The following PRDM11 variants were observed in gnomAD, a reference collection of about 807,000 sequenced individuals.
PRDM11 encodes PR/SET domain 11.
In PRDM11, 20 loss-of-function variants were observed where a neutral mutation model predicts 97.8. The observed-to-expected ratio is 0.20, with a 90% confidence interval of 0.14 to 0.30. The LOEUF (loss-of-function observed/expected upper bound fraction) is 0.30, where lower values mean the gene tolerates loss of function less well. PRDM11 is among the 10% of genes least tolerant of loss of function. PRDM11 has a pLI of 1.00. For synonymous variants in PRDM11, 599 were observed against 637.7 expected (o/e 0.94, Z 0.91); for missense variants, 1,139 against 1,555.2 (o/e 0.73, Z 4.50).
intron 1 of PRDM11, among the ~76,000 whole-genome samples, chr11:45,148,287 T>C (rs908403669): frequency 6.6e-6 from 1 of 152,202 alleles, no homozygotes; most frequent in African/African-American, 2.4e-5. Context: ...CACATCGTTG[T>C]CTTTGGCCTC....
chr11:45,212,655 C>A (rs1487185190), intron 5 of PRDM11: 7 of 456,122 alleles, frequency 1.5e-5, no homozygotes, highest in African/African-American at 6.0e-5. Flanking sequence ...CAGGCCCAGG[C>A]TGCCTGCAGG....
At chr11:45,208,896 C>T (rs1158514752) in intron 5 of PRDM11, 3 of 453,018 alleles carry the variant, frequency 6.6e-6, no homozygotes, top group South Asian at 1.6e-5. Flanking sequence ...CCTGGCTGAG[C>T]GTAAGAGGAA....
intron 3 of PRDM11, among the ~76,000 whole-genome samples, 177 bp from the exon 4 acceptor site, chr11:45,182,684 G>A (rs936834711): frequency 3.3e-5 from 5 of 152,272 alleles, no homozygotes; most frequent in East Asian, 1.9e-4. Context: ...CCTCCTTGAC[G>A]TAGGCAGGCC....
At chr11:45,143,159 C>G (rs1230929771), upstream of PRDM11, among the ~76,000 whole-genome samples, 2 of 152,194 alleles carry the variant, frequency 1.3e-5, no homozygotes, top group Non-Finnish European at 2.9e-5. Context: ...GTACTAAATC[C>G]TTATTGAAAT....
chr11:45,098,945 G>T (rs183422024), intron 1 of PRDM11, among the ~76,000 whole-genome samples: 6 of 152,276 alleles, frequency 3.9e-5, no homozygotes, highest in African/African-American at 1.4e-4. Context: ...AAGAGTCAAT[G>T]GAGTGTTTCA....
intron 5 of PRDM11, chr11:45,213,831 G>A (rs554009389): frequency 4.7e-6 from 2 of 424,306 alleles, no homozygotes; most frequent in Non-Finnish European, 9.6e-6. Context: ...CAGGGTATCG[G>A]TTTTCCCAGC....
chr11:45,187,634 T>C (rs954742503), intron 4 of PRDM11, among the ~76,000 whole-genome samples: 1 of 152,060 alleles, frequency 6.6e-6, no homozygotes, highest in African/African-American at 2.4e-5. Context: ...CCTAGGGCCT[T>C]AGCTGCAGCC....
intron 1 of PRDM11, among the ~76,000 whole-genome samples, chr11:45,166,462 A>G (rs937836807): frequency 6.6e-6 from 1 of 152,204 alleles, no homozygotes; most frequent in South Asian, 2.1e-4. Flanking sequence ...AGATACGAGC[A>G]CTGGTTGGTC....
chr11:45,224,238 A>C lies in PRDM11; in HGVS notation c.764A>C (p.Glu255Ala). 1 of 1,596,134 alleles carries C rather than the reference A, an allele frequency of 6.3e-7. No homozygotes were observed. Among genetic ancestry groups the C allele is most frequent in the Non-Finnish European group, 8.5e-7 (1 of 1,172,558 alleles). The part of the protein sequence containing the change: ...LARGEKRLQR[E>A]KSEQVLDNPE... ...CTAGGAGAGAAGAGGTTGCAGAGGG[A>C]GAAGTCTGAGCAGGTTCTGGATAAC... The change falls in exon 7 of 8, where the codon GAG (glutamate) becomes GCG (alanine). Residue 255 changes from glutamate (E) to alanine (A), a missense_variant. Around this residue, in one of 2 missense-constraint regions of PRDM11, gnomAD observed 429 missense variants for 510.3 expected, o/e 0.84. Transcript: ENST00000683152.
intron 1 of PRDM11, among the ~76,000 whole-genome samples, chr11:45,103,018 G>GAT (rs1389259748): frequency 6.6e-6 from 1 of 151,944 alleles, no homozygotes; most frequent in African/African-American, 2.4e-5. Flanking sequence ...AGCTGACTCA[G>GAT]AGTGTGATGA....
At chr11:45,149,752 G>A (rs754840) in intron 1 of PRDM11, among the ~76,000 whole-genome samples, 19,552 of 152,312 alleles carry the variant, frequency 0.13, 1,659 homozygotes, top group Admixed American at 0.24. Context: ...GTGTCACTCC[G>A]TGCGTGAAGC....
chr11:45,113,825 T>TG (rs1347674876), intron 1 of PRDM11, among the ~76,000 whole-genome samples: 90 of 105,544 alleles, frequency 8.5e-4, no homozygotes, highest in African/African-American at 2.7e-3. Context: ...TGTGTGTGTG[T>TG]TTTGTTTTTT....
chr11:45,148,564 C>T (rs542518036), intron 1 of PRDM11, among the ~76,000 whole-genome samples: 23 of 152,134 alleles, frequency 1.5e-4, no homozygotes, highest in Admixed American at 3.9e-4. Flanking sequence ...TCCCTGGTGA[C>T]GTTCACAAAG....
Position 45,181,754 on chromosome 11 carries a change from G to C in PRDM11, c.-6-7G>C. On this transcript the variant is annotated splice_region_variant and splice_polypyrimidine_tract_variant and intron_variant, in intron 1 of 7. Transcript: ENST00000683152. ...TTCCTGTGCTGGTCCCACCTCCTGCGTCCCAGGACAGAATGACCGAGAACA... is the reference window on the plus strand; with the variant it reads ...TTCCTGTGCTGGTCCCACCTCCTGCCTCCCAGGACAGAATGACCGAGAACA... 1.2e-6 allele frequency: 2 copies of C among 1,610,210 alleles called. No homozygotes were observed. Among genetic ancestry groups the C allele is most frequent in the Non-Finnish European group, 1.7e-6 (2 of 1,177,862 alleles).
In PRDM11 at chr11:45,233,407, C is replaced by A. The variant is rs72893598; in HGVS notation, c.*5248C>A. The A allele has an allele frequency of 6.6e-6, 1 of 152,364 alleles. No homozygotes were observed. The highest frequency in any genetic ancestry group is 1.5e-5 in the Non-Finnish European group (1 of 68,176). The allele number at this position is 152,364 out of a possible 1,614,324, so 9.4% of individuals were successfully genotyped here. On this transcript the variant is annotated 3_prime_UTR_variant, in exon 8 of 8. Coordinates refer to ENST00000683152, the MANE Select transcript of PRDM11 (RefSeq NM_001384648.1). ...CCCCTGAGCTCCAGCTGAGGTGCCC[C>A]CTACCTCTCCCCACCCCCACAGCCC... is the stretch of plus-strand genomic sequence containing the variant.
Position 45,219,708 on chromosome 11 carries a change from G to A in PRDM11, c.693G>A (p.Lys231=), listed in dbSNP as rs939600789. 6.2e-7 allele frequency: 1 copy of A among 1,614,086 alleles called. No individual in the cohort carries two copies. The highest frequency in any genetic ancestry group is 8.5e-7 in the Non-Finnish European group (1 of 1,180,030). ...TCTGGTACAGCGAGGACTACATGAA[G>A]CGCCTGCACAGCATGTCCCAGGAAA... ...LRVWYSEDYM[K]RLHSMSQETI... is the part of the protein sequence containing the mutation. Residue 231 remains lysine (K), a synonymous_variant, in exon 6 of 8, where the codon AAG becomes AAA. Transcript: ENST00000683152. This position sits in a 1 kb window ranked among gnomAD's most constrained non-coding sequence, Gnocchi z 4.2.
Position 45,182,960 on chromosome 11 carries a change from G to A in PRDM11, c.323G>A (p.Arg108Gln), listed in dbSNP as rs752324307. Residue 108 changes from arginine to glutamine, a missense_variant, in exon 4 of 8, where the codon CGG (arginine) becomes CAG (glutamine). Arg to Gln is a conservative substitution (Grantham distance 43, BLOSUM62 1). Transcript: ENST00000683152. ...DTPVPVGIPD[R>Q]AALTIPQGME... ...CCGGTGCCCGTGGGCATCCCAGACC[G>A]GGCGGCGCTCACCATCCCACAGGGC... 3.7e-6 allele frequency: 6 copies of A among 1,613,942 alleles called. No individual in the cohort carries two copies. Among genetic ancestry groups the A allele is most frequent in the Non-Finnish European group, 5.1e-6 (6 of 1,179,982 alleles).
At chr11:45,137,620 C>T (rs1404121532) in intron 1 of PRDM11, among the ~76,000 whole-genome samples, 1 of 152,002 alleles carries the variant, frequency 6.6e-6, no homozygotes. Context: ...TGGTGGCGTG[C>T]ATCTGTAGCC....
rs1854374027 is a variant in PRDM11, at chr11:45,230,207, A to G, written c.*2048A>G. The G allele has an allele frequency of 6.6e-6, 1 of 151,908 alleles. No homozygotes were observed. The highest frequency in any genetic ancestry group is 1.5e-5 in the Non-Finnish European group (1 of 67,980). The allele number at this position is 151,908 out of a possible 1,614,324, so 9.4% of individuals were successfully genotyped here. On this transcript the variant is annotated 3_prime_UTR_variant, in exon 8 of 8. Transcript: ENST00000683152. ...TAGCATGTTAAAAAACAAAAAACAA[A>G]AAAAAATGGGTTCCTCCAACTGTCC...
Sources: gnomAD v4.1 joint callset for allele counts (sites outside exome capture counted in the v4.1 genomes callset) on GRCh38, gnomAD v4.1.1 for gene constraint, gnomAD v4.1.1 regional missense constraint, Gnocchi (gnomAD v3.1) non-coding constraint, MANE v1.5 for transcripts, NCBI Gene and HGNC (gene_info 2026-07-23, HGNC 2026-07-21) for gene names.